The following ENTHD1 variants were observed in gnomAD, a reference collection of about 807,000 sequenced individuals.
The protein encoded by ENTHD1 is ENTH domain containing 1, also known as ENTH domain-containing protein 1.
In ENTHD1, 23 loss-of-function variants were observed where a neutral mutation model predicts 39.1. The observed-to-expected ratio is 0.59, with a 90% confidence interval of 0.42 to 0.83. The LOEUF (loss-of-function observed/expected upper bound fraction) is 0.83. Ranked by LOEUF, ENTHD1 falls within the 40% of genes least tolerant of loss-of-function variation. ENTHD1 has a pLI of 0.00. For synonymous variants in ENTHD1, 230 were observed against 258.2 expected, an observed-to-expected ratio of 0.89 and a Z score of 1.05; for missense variants, 624 against 705.4, an observed-to-expected ratio of 0.88 and a Z score of 1.31.
intron 2 of ENTHD1, among the ~76,000 whole-genome samples, chr22:39,887,183 T>C (rs2066385335): frequency 6.6e-6 from 1 of 152,202 alleles, no homozygotes; most frequent in Non-Finnish European, 1.5e-5. Flanking sequence ...CTAATCTTTA[T>C]TGGCACATGC....
intron 3 of ENTHD1, among the ~76,000 whole-genome samples, chr22:39,836,553 A>T (rs951524403): frequency 2.6e-5 from 4 of 152,348 alleles, no homozygotes; most frequent in African/African-American, 9.6e-5. Flanking sequence ...ATGTGTTCTA[A>T]GAGAAACTAA....
intron 2 of ENTHD1, among the ~76,000 whole-genome samples, chr22:39,872,827 G>C (rs2066254810): frequency 6.6e-6 from 1 of 151,326 alleles, no homozygotes; most frequent in Non-Finnish European, 1.5e-5. Flanking sequence ...TATCACCAAT[G>C]AATGCTACTT....
At chr22:39,842,033 ATTCTT>A (rs772956160) in intron 3 of ENTHD1, among the ~76,000 whole-genome samples, 3,418 of 151,666 alleles carry the variant, frequency 0.023, 49 homozygotes, top group Non-Finnish European at 0.034. Flanking sequence ...TGGGTTGAAA[ATTCTT>A]TTCTTTAAGA....
At chr22:39,848,186 G>C (rs1401082690) in intron 3 of ENTHD1, among the ~76,000 whole-genome samples, 1 of 152,008 alleles carries the variant, frequency 6.6e-6, no homozygotes, top group Admixed American at 6.6e-5. Context: ...ATCACACTTG[G>C]AATCTTTCTG....
At chr22:39,802,217 A>G (rs2065604668) in intron 5 of ENTHD1, among the ~76,000 whole-genome samples, 1 of 152,270 alleles carries the variant, frequency 6.6e-6, no homozygotes, top group African/African-American at 2.4e-5. Flanking sequence ...ACATGTTAAC[A>G]AGAGGAAAGT....
At chr22:39,877,359 T>C (rs996502565) in intron 2 of ENTHD1, among the ~76,000 whole-genome samples, 4 of 152,188 alleles carry the variant, frequency 2.6e-5, no homozygotes, top group African/African-American at 7.2e-5. Context: ...ATGTAAAAAG[T>C]TGGAGTCGCC....
At chr22:39,844,397 A>G (rs939446353) in intron 3 of ENTHD1, among the ~76,000 whole-genome samples, 1 of 152,152 alleles carries the variant, frequency 6.6e-6, no homozygotes, top group Non-Finnish European at 1.5e-5. Context: ...CTTAAGAATA[A>G]TGAGAAACAG....
chr22:39,814,295 CAAAAAA>C (rs77915572), intron 5 of ENTHD1, among the ~76,000 whole-genome samples: 1 of 97,738 alleles, frequency 1.0e-5, no homozygotes, highest in Non-Finnish European at 2.2e-5. Flanking sequence ...CCCATCTCTA[CAAAAAA>C]AAAAAAAAAA....
At chr22:39,753,192 G>GA (rs1474167621) in intron 6 of ENTHD1, among the ~76,000 whole-genome samples, 1 of 152,156 alleles carries the variant, frequency 6.6e-6, no homozygotes, top group Non-Finnish European at 1.5e-5. Flanking sequence ...AGAAAGCCAA[G>GA]AACAGTGTAG....
intron 5 of ENTHD1, among the ~76,000 whole-genome samples, chr22:39,794,698 G>C (rs1357758229): frequency 1.3e-5 from 2 of 152,078 alleles, no homozygotes; most frequent in African/African-American, 4.8e-5. Context: ...CAGCTACTCA[G>C]GAGGCTGAGG....
At chr22:39,781,323 A>G (rs1462197455) in intron 5 of ENTHD1, among the ~76,000 whole-genome samples, 7 of 152,262 alleles carry the variant, frequency 4.6e-5, no homozygotes, top group South Asian at 4.2e-4. Context: ...TTGGACCACA[A>G]TGGACTGCAA....
chr22:39,780,721 G>A (rs183165581), intron 5 of ENTHD1, among the ~76,000 whole-genome samples: 3 of 152,124 alleles, frequency 2.0e-5, no homozygotes, highest in South Asian at 2.1e-4. Flanking sequence ...ATATTAGGCC[G>A]GGCACGGTGG....
intron 5 of ENTHD1, among the ~76,000 whole-genome samples, chr22:39,796,154 T>C (rs2065547416): frequency 6.6e-6 from 1 of 152,196 alleles, no homozygotes; most frequent in African/African-American, 2.4e-5. Flanking sequence ...TGTTAGATTG[T>C]TTGAAGTCTT....
At position 39,821,023 on chromosome 22, in the gene ENTHD1, C is replaced by A; in HGVS notation, c.802G>T (p.Ala268Ser). 6.2e-7 allele frequency: 1 copy of A among 1,614,060 alleles called. No individual in the cohort carries two copies. Among genetic ancestry groups the A allele is most frequent in the Non-Finnish European group, 8.5e-7 (1 of 1,179,960 alleles). Residue 268 changes from alanine (A) to serine (S), a missense_variant, in exon 5 of 7, where the codon GCA becomes TCA. By Grantham distance (99) the Ala-to-Ser change is moderately conservative. Coordinates refer to ENST00000325157, the MANE Select transcript of ENTHD1 (RefSeq NM_152512.4). Reference protein sequence around the residue: ...IVSPITCLSEAEEVCNLSGAD... With the variant: ...IVSPITCLSESEEVCNLSGAD... Reference sequence around the variant, plus strand: ...CCCGAAAGATTACAAACTTCTTCTGCTTCTGACAAGCAAGTGATTGGAGAG... The same window carrying A: ...CCCGAAAGATTACAAACTTCTTCTGATTCTGACAAGCAAGTGATTGGAGAG...
chr22:39,854,819 C>T lies in ENTHD1; in HGVS notation c.592+6946G>A, dbSNP rs553674939. On this transcript the variant is annotated intron_variant, in intron 3 of 6. Coordinates refer to ENST00000325157, the MANE Select transcript of ENTHD1 (RefSeq NM_152512.4). The stretch of plus-strand genomic sequence containing the variant: ...AAGCACAGCTGTTTCAGCTCTAGGT[C>T]CTAAAGGCTGGAAATCACATTTCCT... Among the ~76,000 whole-genome samples the T allele has an allele frequency of 1.8e-4, 27 of 152,268 alleles. No homozygotes were observed. The South Asian group carries it at 2.5e-3, about 14-fold the overall frequency.
intron 5 of ENTHD1, among the ~76,000 whole-genome samples, chr22:39,791,344 A>G (rs1362711765): frequency 2.0e-5 from 3 of 149,240 alleles, no homozygotes; most frequent in Non-Finnish European, 3.0e-5. Context: ...ATATAAAGAT[A>G]TATTAAAAAT....
intron 5 of ENTHD1, among the ~76,000 whole-genome samples, chr22:39,778,477 G>A (rs552023924): frequency 3.3e-5 from 5 of 152,200 alleles, no homozygotes; most frequent in African/African-American, 9.6e-5. Context: ...TAAAAATCAC[G>A]TCTAAGTCTG....
chr22:39,864,067 C>T (rs547858605), intron 2 of ENTHD1, among the ~76,000 whole-genome samples: 1 of 152,308 alleles, frequency 6.6e-6, no homozygotes, highest in African/African-American at 2.4e-5. Context: ...TTTTGGGTAA[C>T]CATTCAGTGT....
intron 4 of ENTHD1, among the ~76,000 whole-genome samples, chr22:39,824,801 C>G (rs968552106): frequency 6.6e-6 from 1 of 152,198 alleles, no homozygotes; most frequent in Non-Finnish European, 1.5e-5. Flanking sequence ...ATACCGCACT[C>G]TCTTGATTAC....
Sources: gnomAD v4.1 joint callset for allele counts (sites outside exome capture counted in the v4.1 genomes callset) on GRCh38, gnomAD v4.1.1 for gene constraint, MANE v1.5 for transcripts, NCBI Gene and HGNC (gene_info 2026-07-23, HGNC 2026-07-21) for gene names.